Variants in SGCD observed in about 807,000 individuals in gnomAD.
The protein encoded by SGCD is sarcoglycan delta.
A neutral mutation model predicts 36.6 loss-of-function variants in SGCD; 18 were observed. That is an observed-to-expected ratio of 0.49 (90% confidence interval 0.34 to 0.73). The LOEUF (loss-of-function observed/expected upper bound fraction) is 0.73, where lower values mean the gene tolerates loss of function less well. SGCD is among the 30% of genes least tolerant of loss of function. The probability of loss-of-function intolerance (pLI) is 0.01; values close to 1 mark genes in which losing one functional copy is unlikely to be tolerated. For synonymous variants in SGCD, 133 were observed against 130.6 expected, an observed-to-expected ratio of 1.02 and a Z score of -0.12; for missense variants, 387 against 346.7, an observed-to-expected ratio of 1.12 and a Z score of -0.92.
At chr5:156,326,053 C>T (rs1313146674), upstream of SGCD, among the ~76,000 whole-genome samples, 1 of 152,040 alleles carries the variant, frequency 6.6e-6, no homozygotes, top group Non-Finnish European at 1.5e-5. Context: ...ATGTTAATAC[C>T]AAAAACAGAA....
At chr5:155,840,411 A>AT in the SGCD span, among the ~76,000 whole-genome samples, 31,870 of 138,768 alleles carry the variant, frequency 0.23, 3,886 homozygotes, top group South Asian at 0.36. Flanking sequence ...GCCCAGCTAA[A>AT]TTTTTTTTTT....
intron 3 of SGCD, among the ~76,000 whole-genome samples, chr5:156,259,450 T>G (rs1037458641): frequency 6.6e-6 from 1 of 152,126 alleles, no homozygotes; most frequent in Non-Finnish European, 1.5e-5. Context: ...CTGAGCATTT[T>G]TTTTTAAAAG....
intron 1 of SGCD, among the ~76,000 whole-genome samples, chr5:155,912,482 GA>G (rs1756650095): frequency 6.6e-6 from 1 of 152,054 alleles, no homozygotes; most frequent in African/African-American, 2.4e-5. Flanking sequence ...AATGGCATTC[GA>G]AACTAGTCTC....
chr5:156,032,406 T>A (rs74742493), intron 1 of SGCD, among the ~76,000 whole-genome samples: 3,235 of 151,938 alleles, frequency 0.021, 65 homozygotes, highest in East Asian at 0.1. Flanking sequence ...TTTAGATACA[T>A]TGTCAATTGA....
the SGCD span, among the ~76,000 whole-genome samples, chr5:155,809,889 A>G: frequency 0.26 from 40,084 of 152,082 alleles, 5,920 homozygotes; most frequent in Admixed American, 0.46. Context: ...CTGATGAAAG[A>G]TACACTGAAC....
At position 156,733,347 on chromosome 5, in the gene SGCD, T is replaced by C. The variant is rs146418403; in HGVS notation, c.576-24234T>C. Among the ~76,000 whole-genome samples the C allele has an allele frequency of 1.7e-3, 259 of 152,270 alleles. 1 individual carries two copies. The highest frequency in any genetic ancestry group is 5.9e-3 in the African/African-American group (246 of 41,572). On this transcript the variant is annotated intron_variant, in intron 7 of 8. Transcript: ENST00000337851. ...AGTATGTTGTTCAATTTCCATGTAG[T>C]TGTGTGGTTTTGAGTGATTGTGCTT...
rs565428448 is a variant in SGCD at position 155,981,829 on chromosome 5, C to T, written c.-282+111405C>T. 7.9e-5 allele frequency among the ~76,000 whole-genome samples: 12 copies of T among 152,296 alleles called. No individual in the cohort carries two copies. The South Asian group carries it at 2.5e-3, about 32-fold the overall frequency. On this transcript the variant is annotated intron_variant, in intron 1 of 9. Coordinates refer to the SGCD transcript ENST00000517913. The stretch of plus-strand genomic sequence containing the variant: ...TGAGACTTGGCATTTAGTGATGTAT[C>T]ATATGGTCTTTGCCTTGGGTTTATT...
chr5:156,538,997 T>C (rs1461992484), intron 4 of SGCD, among the ~76,000 whole-genome samples: 1 of 152,080 alleles, frequency 6.6e-6, no homozygotes, highest in Non-Finnish European at 1.5e-5. Context: ...GATTCAAAAA[T>C]CAAAATAATA....
chr5:156,634,809 T>TC (rs985440264), intron 6 of SGCD, among the ~76,000 whole-genome samples: 2 of 152,098 alleles, frequency 1.3e-5, no homozygotes, highest in Non-Finnish European at 2.9e-5. Context: ...CAAAGGGCCT[T>TC]CCCACCTGCT....
intron 1 of SGCD, among the ~76,000 whole-genome samples, chr5:156,030,694 A>C (rs1759328588): frequency 1.3e-5 from 2 of 152,286 alleles, no homozygotes; most frequent in South Asian, 4.1e-4. Flanking sequence ...AGAAGGAAGT[A>C]GTCATTTCCA....
At chr5:155,765,450 G>GAGGAAGGA in the SGCD span, among the ~76,000 whole-genome samples, 141 of 131,914 alleles carry the variant, frequency 1.1e-3, 1 homozygote, top group African/African-American at 2.5e-3. Flanking sequence ...GGGTGGGAGG[G>GAGGAAGGA]AGGAAGGAAG....
At chr5:156,335,118 G>T (rs1768277128) in intron 2 of SGCD, among the ~76,000 whole-genome samples, 1 of 152,154 alleles carries the variant, frequency 6.6e-6, no homozygotes, top group Non-Finnish European at 1.5e-5. Flanking sequence ...GTATGCACTT[G>T]TGTATCTGCT....
the SGCD span, among the ~76,000 whole-genome samples, chr5:155,861,818 T>G: frequency 6.6e-6 from 1 of 152,222 alleles, no homozygotes; most frequent in Non-Finnish European, 1.5e-5. Flanking sequence ...GGAAAAGATC[T>G]GAGAACTAGA....
intron 4 of SGCD, among the ~76,000 whole-genome samples, chr5:156,553,759 G>A (rs570222281): frequency 6.6e-6 from 1 of 152,132 alleles, no homozygotes; most frequent in South Asian, 2.1e-4. Flanking sequence ...GGTCTTCAAG[G>A]TTCATTCATA....
intron 1 of SGCD, among the ~76,000 whole-genome samples, chr5:155,976,479 C>T (rs1758115692): frequency 6.6e-6 from 1 of 152,194 alleles, no homozygotes; most frequent in Non-Finnish European, 1.5e-5. Flanking sequence ...TGTTAACCAG[C>T]ATACCAAGAA....
intron 3 of SGCD, among the ~76,000 whole-genome samples, chr5:156,397,237 G>A (rs1029556290): frequency 4.6e-5 from 7 of 152,126 alleles, no homozygotes; most frequent in Non-Finnish European, 5.9e-5. Flanking sequence ...TCTAGTTTAT[G>A]TTCTTTATTT....
At chr5:156,290,941 T>C (rs1221727887) in intron 3 of SGCD, among the ~76,000 whole-genome samples, 1 of 152,142 alleles carries the variant, frequency 6.6e-6, no homozygotes, top group Admixed American at 6.6e-5. Context: ...TGTTGCAAAC[T>C]ATAGTCATCC....
intron 3 of SGCD, among the ~76,000 whole-genome samples, chr5:156,248,805 TAGCAATTGAGA>T (rs2127659702): frequency 6.6e-6 from 1 of 152,248 alleles, no homozygotes; most frequent in South Asian, 2.1e-4. Flanking sequence ...ACACGGATGA[TAGCAATTGAGA>T]AGGAAAGAAG....
intron 1 of SGCD, among the ~76,000 whole-genome samples, chr5:156,036,529 G>T (rs1030181712): frequency 1.3e-5 from 2 of 152,134 alleles, no homozygotes; most frequent in Non-Finnish European, 2.9e-5. Context: ...GAGGGCCGAG[G>T]TTTCTGAAAG....
Sources: allele counts gnomAD v4.1 joint callset (sites outside exome capture counted in the v4.1 genomes callset), GRCh38; gene constraint gnomAD v4.1.1; transcripts MANE v1.5; gene names NCBI Gene and HGNC (gene_info 2026-07-23, HGNC 2026-07-21).